The following ARHGAP31 variants were observed in gnomAD, a reference collection of about 807,000 sequenced individuals.
ARHGAP31 encodes the protein rho GTPase-activating protein 31.
A neutral mutation model predicts 113.9 loss-of-function variants in ARHGAP31; 34 were observed. The observed-to-expected ratio is 0.30, with a 90% confidence interval of 0.23 to 0.40. The LOEUF (loss-of-function observed/expected upper bound fraction) is 0.40. Among genes scored for constraint, ARHGAP31 ranks in the 10% least tolerant of loss-of-function variants. ARHGAP31 has a pLI of 1.00. For missense variants in ARHGAP31, 1,548 were observed against 1,767.1 expected (o/e 0.88, Z 2.22); for synonymous variants, 650 against 684.8 (o/e 0.95, Z 0.79).
In ARHGAP31 at chr3:119,410,500, G is replaced by A. The variant is rs529277291; in HGVS notation, c.1926+724G>A. ...CGTGCACAAAAGAACCATGTGCTGG[G>A]AGTTAGGGCAGAGTGGAGTGCCATG... On this transcript the variant is annotated intron_variant, in intron 11 of 11. Transcript: ENST00000264245. Among the ~76,000 whole-genome samples the A allele has an allele frequency of 2.0e-5, 3 of 152,318 alleles. No individual in the cohort carries two copies. The South Asian group carries it at 6.2e-4, about 32-fold the overall frequency.
chr3:119,295,079 TGA>T, intron 1 of ARHGAP31, 75 bp downstream of exon 1: 1 of 1,396,304 alleles, frequency 7.2e-7, no homozygotes, highest in South Asian at 1.2e-5. Flanking sequence ...TCTCGAGTTG[TGA>T]TAGAGTCGGT....
chr3:119,413,991 T>G lies in ARHGAP31; in HGVS notation c.2062T>G (p.Ser688Ala). 6.2e-7 allele frequency: 1 copy of G among 1,614,084 alleles called. No individual in the cohort carries two copies. The highest frequency in any genetic ancestry group is 8.5e-7 in the Non-Finnish European group (1 of 1,180,022). Residue 688 changes from serine to alanine, a missense_variant, in exon 12 of 12, where the codon TCG becomes GCG. Physicochemically the swap from Ser to Ala is moderately conservative, Grantham distance 99 (BLOSUM62 1). Transcript: ENST00000264245. The part of the protein sequence containing the change: ...KTSPIQPILE[S>A]SLGPFIPSEP... ...CAGCCCAATTCAGCCTATTCTCGAG[T>G]CGAGTCTGGGGCCCTTTATTCCCTC... is the stretch of plus-strand genomic sequence containing the variant.
At chr3:119,326,812 C>T (rs1054771241) in intron 1 of ARHGAP31, among the ~76,000 whole-genome samples, 5 of 152,132 alleles carry the variant, frequency 3.3e-5, no homozygotes, top group African/African-American at 9.7e-5. Context: ...AGATACTTAC[C>T]CTGATCACTC....
At chr3:119,314,642 T>C (rs1333693196) in intron 1 of ARHGAP31, 2 of 152,518 alleles carry the variant, frequency 1.3e-5, no homozygotes, top group African/African-American at 4.8e-5. Flanking sequence ...TCTGTGTCCA[T>C]GCAATGGGGA....
At chr3:119,352,366 C>T (rs1348358824) in intron 1 of ARHGAP31, among the ~76,000 whole-genome samples, 1 of 152,198 alleles carries the variant, frequency 6.6e-6, no homozygotes, top group Admixed American at 6.5e-5. Context: ...CTGGCTCATT[C>T]GCTACTGATG....
intron 1 of ARHGAP31, among the ~76,000 whole-genome samples, chr3:119,337,562 G>GC (rs2079968673): frequency 6.6e-6 from 1 of 152,098 alleles, no homozygotes; most frequent in East Asian, 1.9e-4. Context: ...CCCTTATTTG[G>GC]CCCCACCCAC....
chr3:119,335,347 A>T (rs190062111), intron 1 of ARHGAP31, among the ~76,000 whole-genome samples: 3 of 152,246 alleles, frequency 2.0e-5, no homozygotes, highest in African/African-American at 7.2e-5. Context: ...GATAATGTAC[A>T]TAAAGTCTTT....
At chr3:119,407,393 A>G (rs1179002694) in intron 10 of ARHGAP31, among the ~76,000 whole-genome samples, 1 of 152,006 alleles carries the variant, frequency 6.6e-6, no homozygotes, top group Non-Finnish European at 1.5e-5. Context: ...AAAAAAAGAA[A>G]AAAAAATGAC....
intron 10 of ARHGAP31, 81 bp downstream of exon 10, chr3:119,402,478 T>C (rs1261524127): frequency 2.1e-6 from 3 of 1,457,290 alleles, no homozygotes; most frequent in Non-Finnish European, 2.8e-6. Flanking sequence ...CAAGGCAATA[T>C]AGTGCGGTGG....
chr3:119,314,374 T>C (rs1438487571), intron 1 of ARHGAP31: 1 of 152,332 alleles, frequency 6.6e-6, no homozygotes, highest in African/African-American at 2.4e-5. Flanking sequence ...GCTCTTATCA[T>C]CCTCATCCCC....
Position 119,416,306 on chromosome 3 carries a change from T to C in ARHGAP31, c.*42T>C, listed in dbSNP as rs1335982170. The C allele has an allele frequency of 6.2e-7, 1 of 1,608,412 alleles. No individual in the cohort carries two copies. Among genetic ancestry groups the C allele is most frequent in the Non-Finnish European group, 8.5e-7 (1 of 1,179,984 alleles). ...GGTGTCTGAAAAAAACCGTGATTCATCTGGAAGTTATTACAGGGCCAGCTT... is the reference window on the plus strand; with the variant it reads ...GGTGTCTGAAAAAAACCGTGATTCACCTGGAAGTTATTACAGGGCCAGCTT... On this transcript the variant is annotated 3_prime_UTR_variant, in exon 12 of 12. Transcript: ENST00000264245.
chr3:119,318,262 C>T (rs1359593368), intron 1 of ARHGAP31, among the ~76,000 whole-genome samples: 1 of 152,064 alleles, frequency 6.6e-6, no homozygotes, highest in Non-Finnish European at 1.5e-5. Flanking sequence ...AGATCGAGAC[C>T]CTGTCTCAAT....
chr3:119,376,005 C>T (rs1365076144), intron 3 of ARHGAP31, among the ~76,000 whole-genome samples: 1 of 152,204 alleles, frequency 6.6e-6, no homozygotes, highest in Non-Finnish European at 1.5e-5. Flanking sequence ...GCGTATGCAT[C>T]AAGCCCTGCC....
intron 1 of ARHGAP31, among the ~76,000 whole-genome samples, chr3:119,336,991 T>C (rs1211235344): frequency 3.3e-5 from 5 of 152,236 alleles, no homozygotes; most frequent in African/African-American, 4.8e-5. Context: ...AGTACTTAAG[T>C]CCTTTTTATT....
intron 1 of ARHGAP31, among the ~76,000 whole-genome samples, chr3:119,347,741 G>A (rs2080072337): frequency 3.9e-5 from 6 of 152,170 alleles, no homozygotes; most frequent in Admixed American, 3.9e-4. Flanking sequence ...TAGAATATGA[G>A]CCTTACCTTG....
At chr3:119,307,945 A>AAAAAAAAAAAAAAAAAAAAAAAC in intron 1 of ARHGAP31, among the ~76,000 whole-genome samples, 1 of 144,406 alleles carries the variant, frequency 6.9e-6, no homozygotes, top group Non-Finnish European at 1.5e-5. Context: ...AACAGCAAAA[A>AAAAAAAAAAAAAAAAAAAAAAAC]AAAAAAAAAA....
rs915130781 is a variant in ARHGAP31, at chr3:119,378,710, G to A, written c.349-2194G>A. ...CGGGGCTTCTCTCCCTTGGCTCCCCGGCTCCCCAGCTCCCCATTGTGAGGT... is the reference window on the plus strand; with the variant it reads ...CGGGGCTTCTCTCCCTTGGCTCCCCAGCTCCCCAGCTCCCCATTGTGAGGT... On this transcript the variant is annotated intron_variant, in intron 3 of 11. Coordinates refer to ENST00000264245, the MANE Select transcript of ARHGAP31 (RefSeq NM_020754.4). 5.9e-5 allele frequency among the ~76,000 whole-genome samples: 9 copies of A among 152,144 alleles called. No homozygotes were observed. In the South Asian group the frequency reaches 1.7e-3, roughly 28 times the overall value.
At chr3:119,332,675 A>G (rs73854489) in intron 1 of ARHGAP31, among the ~76,000 whole-genome samples, 133 of 146,002 alleles carry the variant, frequency 9.1e-4, no homozygotes, top group African/African-American at 3.3e-3. Flanking sequence ...ACACACACAC[A>G]CGCATGCACG....
chr3:119,303,418 G>A (rs1160246761), intron 1 of ARHGAP31, among the ~76,000 whole-genome samples: 1 of 152,160 alleles, frequency 6.6e-6, no homozygotes, highest in African/African-American at 2.4e-5. Context: ...ATCACTCCTT[G>A]GTGTGAACCA....
Sources: allele counts gnomAD v4.1 joint callset (sites outside exome capture counted in the v4.1 genomes callset), GRCh38; gene constraint gnomAD v4.1.1; transcripts MANE v1.5; gene names NCBI Gene and HGNC (gene_info 2026-07-23, HGNC 2026-07-21).